Variants in SLC12A3 observed in about 807,000 individuals in gnomAD.
SLC12A3 encodes Na-Cl cotransporter.
Under a neutral mutation model 121.0 loss-of-function variants are expected in SLC12A3, and 104 were observed. The observed-to-expected ratio is 0.86, with a 90% CI of 0.73 to 1.01. The LOEUF (loss-of-function observed/expected upper bound fraction) is 1.01, where lower values mean the gene tolerates loss of function less well. Ranked by LOEUF, SLC12A3 falls within the 50% of genes least tolerant of loss-of-function variation. The probability of loss-of-function intolerance (pLI) is 0.00; values close to 1 mark genes in which losing one functional copy is unlikely to be tolerated. For synonymous variants in SLC12A3, 536 were observed against 533.4 expected (o/e 1.00, Z -0.07); for missense variants, 1,328 against 1,356.3 (o/e 0.98, Z 0.33).
intron 14 of SLC12A3, among the ~76,000 whole-genome samples, chr16:56,884,453 C>A (rs566155309): frequency 2.0e-5 from 3 of 152,336 alleles, no homozygotes; most frequent in East Asian, 1.9e-4. Flanking sequence ...TCCGAAGGAC[C>A]CTGAGTGAGC....
In SLC12A3 at chr16:56,865,341, G is replaced by T. The variant is rs1398388549; in HGVS notation, c.106G>T (p.Ala36Ser). The T allele has an allele frequency of 5.0e-6, 8 of 1,614,094 alleles. No individual in the cohort carries two copies. The highest frequency in any genetic ancestry group is 6.8e-6 in the Non-Finnish European group (8 of 1,180,038). The change falls in exon 1 of 26, where the codon GCC (alanine) becomes TCC (serine). Residue 36 changes from alanine to serine, a missense_variant. Ala to Ser is a moderately conservative substitution (Grantham distance 99). Transcript: ENST00000563236. Reference protein sequence around the residue: ...LSSDEPSPPAAYDSSHPSHLT... With the variant: ...LSSDEPSPPASYDSSHPSHLT... ...CAGTGATGAGCCCTCTCCACCAGCT[G>T]CCTATGACAGCAGCCACCCCAGCCA... is the stretch of plus-strand genomic sequence containing the variant.
rs983765266 is a variant in SLC12A3, at chr16:56,871,808, C to T, written c.853-543C>T. ...CGTGATCTCGGCTCACTGCAACCTC[C>T]GCCTCCTCGTCTCAAGCAATTCTCC... On this transcript the variant is annotated intron_variant, in intron 6 of 25. Coordinates refer to ENST00000563236, the MANE Select transcript of SLC12A3 (RefSeq NM_001126108.2). Among the ~76,000 whole-genome samples the T allele has an allele frequency of 4.6e-5, 7 of 152,068 alleles. No homozygotes were observed. In the South Asian group the frequency reaches 1.4e-3, roughly 31 times the overall value.
intron 13 of SLC12A3, among the ~76,000 whole-genome samples, chr16:56,883,328 T>G (rs994483757): frequency 6.8e-6 from 1 of 146,598 alleles, no homozygotes; most frequent in African/African-American, 2.5e-5. Context: ...TTGTCCAGGC[T>G]GGAGAGCAGT....
intron 25 of SLC12A3, among the ~76,000 whole-genome samples, chr16:56,908,941 G>A (rs187489957): frequency 3.0e-4 from 46 of 152,308 alleles, no homozygotes; most frequent in Admixed American, 2.2e-3. Context: ...AATGAGTGCC[G>A]CCTCTGTTCA....
At chr16:56,897,091 C>CAAAAA (rs55856347) in intron 22 of SLC12A3, among the ~76,000 whole-genome samples, 1 of 140,390 alleles carries the variant, frequency 7.1e-6, no homozygotes, top group Non-Finnish European at 1.6e-5. Flanking sequence ...GACTCCATCT[C>CAAAAA]AAAAAAAAAA....
chr16:56,871,545 G>A (rs2055097815), intron 6 of SLC12A3, among the ~76,000 whole-genome samples: 1 of 152,054 alleles, frequency 6.6e-6, no homozygotes, highest in African/African-American at 2.4e-5. Context: ...GTCAGAGGGT[G>A]TCCTCCTTGC....
chr16:56,902,105 C>T (rs2055546101), intron 23 of SLC12A3: 1 of 493,142 alleles, frequency 2.0e-6, no homozygotes, highest in Non-Finnish European at 3.7e-6. Flanking sequence ...GAGCCTGGTA[C>T]AGAATCATGC....
intron 24 of SLC12A3, among the ~76,000 whole-genome samples, chr16:56,903,469 T>C (rs1201985988): frequency 1.3e-5 from 2 of 152,154 alleles, no homozygotes; most frequent in African/African-American, 4.8e-5. Flanking sequence ...GACATTTTTG[T>C]TTGTCACAAC....
chr16:56,892,235 G>A (rs2055398255), intron 20 of SLC12A3, 102 bp downstream of exon 20: 1 of 1,041,198 alleles, frequency 9.6e-7, no homozygotes. Context: ...TGGGAACTTG[G>A]TCGAGGACAG....
At chr16:56,881,909 CGTG>C (rs544252680) in intron 12 of SLC12A3, among the ~76,000 whole-genome samples, 189 of 151,824 alleles carry the variant, frequency 1.2e-3, no homozygotes, top group African/African-American at 4.1e-3. Flanking sequence ...ATTAGCTGGG[CGTG>C]GTGGTGCATG....
chr16:56,897,544 C>A (rs530846188), intron 22 of SLC12A3, among the ~76,000 whole-genome samples: 1 of 152,328 alleles, frequency 6.6e-6, no homozygotes, highest in South Asian at 2.1e-4. Context: ...CCTGGGAAAG[C>A]CCCTTTTCTG....
chr16:56,884,179 G>C lies in SLC12A3; in HGVS notation c.1800G>C (p.Leu600=), dbSNP rs746569564. The C allele has an allele frequency of 1.2e-6, 2 of 1,613,990 alleles. No homozygotes were observed. The highest frequency in any genetic ancestry group is 1.7e-6 in the Non-Finnish European group (2 of 1,179,986). ...CCATTGGCGTGGTGCTCTTCCTCCT[G>C]CTCTATGTCATCTACAAGAAGCCAG... ...LIAIGVVLFL[L]LYVIYKKPEV... The change falls in exon 14 of 26, where the codon CTG becomes CTC. Residue 600 remains leucine, a synonymous_variant. Coordinates refer to ENST00000563236, the MANE Select transcript of SLC12A3 (RefSeq NM_001126108.2).
chr16:56,870,018 C>G, intron 4 of SLC12A3, 78 bp from the exon 5 acceptor site: 1 of 1,580,568 alleles, frequency 6.3e-7, no homozygotes, highest in Non-Finnish European at 8.6e-7. Context: ...GCCACCCTCT[C>G]CTGGCCTCTG....
chr16:56,913,228 G>T (rs2055709411), intron 25 of SLC12A3, 36 bp from the exon 26 acceptor site: 1 of 1,613,856 alleles, frequency 6.2e-7, no homozygotes, highest in Admixed American at 1.7e-5. Flanking sequence ...CGGCCCCGTG[G>T]TAATCTCTCT....
intron 8 of SLC12A3, among the ~76,000 whole-genome samples, chr16:56,875,254 G>A (rs1443613028): frequency 6.6e-6 from 1 of 152,160 alleles, no homozygotes; most frequent in African/African-American, 2.4e-5. Context: ...AGCCCTCACT[G>A]TGACATTTTG....
Position 56,886,272 on chromosome 16 carries a change from C to G in SLC12A3, c.1926-92C>G. On this transcript the variant is annotated intron_variant, in intron 15 of 25. Coordinates refer to ENST00000563236, the MANE Select transcript of SLC12A3 (RefSeq NM_001126108.2). ...TGTAGGGTCATGCTGGTGGCCACAC[C>G]ACCATTCAGGGAGCCTGGGAGGTGC... The G allele has an allele frequency of 3.4e-6, 3 of 891,062 alleles. 1 individual carries two copies. The highest frequency in any genetic ancestry group is 5.5e-6 in the Non-Finnish European group (3 of 542,026). The allele number at this position is 891,062 out of a possible 1,614,324, so 55.2% of individuals were successfully genotyped here. A position where few individuals can be genotyped will look rare whatever the true frequency, so the allele number is the denominator to read the frequency against.
chr16:56,889,390 C>A (rs2055360025), intron 18 of SLC12A3, among the ~76,000 whole-genome samples: 1 of 152,228 alleles, frequency 6.6e-6, no homozygotes, highest in African/African-American at 2.4e-5. Context: ...GGCCCAAACC[C>A]CAGTGGTGGG....
At chr16:56,875,319 C>T (rs1227004915) in intron 8 of SLC12A3, among the ~76,000 whole-genome samples, 2 of 152,112 alleles carry the variant, frequency 1.3e-5, no homozygotes, top group Non-Finnish European at 2.9e-5. Flanking sequence ...TAAAATGGGA[C>T]GAGTACAGCC....
At chr16:56,890,507 A>G (rs1456745113) in intron 19 of SLC12A3, 151 bp downstream of exon 19, 16 of 703,736 alleles carry the variant, frequency 2.3e-5, no homozygotes, top group Non-Finnish European at 3.5e-5. Context: ...GTTTTCCCAG[A>G]AAGAGAAAGC....
Sources: gnomAD v4.1 joint callset for allele counts (sites outside exome capture counted in the v4.1 genomes callset) on GRCh38, gnomAD v4.1.1 for gene constraint, MANE v1.5 for transcripts, NCBI Gene and HGNC (gene_info 2026-07-23, HGNC 2026-07-21) for gene names.